The following MEI4 variants were observed in gnomAD, a reference collection of about 807,000 sequenced individuals.
The protein encoded by MEI4 is meiotic double-stranded break formation protein 4.
In MEI4, 27 loss-of-function variants were observed where a neutral mutation model predicts 31.4. That is an observed-to-expected ratio of 0.86 (90% CI 0.63 to 1.19). MEI4 has a LOEUF of 1.19. Ranked by LOEUF, MEI4 falls within the 50% of genes most tolerant of loss-of-function variation. MEI4 has a pLI of 0.00. For synonymous variants in MEI4, 122 were observed against 145.4 expected (o/e 0.84, Z 1.16); for missense variants, 329 against 398.9 (o/e 0.82, Z 1.49).
intron 4 of MEI4, among the ~76,000 whole-genome samples, chr6:77,862,098 T>A (rs1582226201): frequency 6.7e-6 from 1 of 148,984 alleles, no homozygotes. Flanking sequence ...GGAGCCAAGA[T>A]GGCCGAATAG....
chr6:77,872,915 AT>A (rs1160797928), intron 4 of MEI4, among the ~76,000 whole-genome samples: 1 of 151,190 alleles, frequency 6.6e-6, no homozygotes, highest in African/African-American at 2.4e-5. Flanking sequence ...TGAACTCATC[AT>A]TTTTTATGGC....
At position 77,888,994 on chromosome 6, in the gene MEI4, T is replaced by C. The variant is rs560145029; in HGVS notation, c.901-34095T>C. Among the ~76,000 whole-genome samples, 85 of 152,282 alleles carry C rather than the reference T, an allele frequency of 5.6e-4. 2 individuals are homozygous for C. The highest frequency in any genetic ancestry group is 2.0e-3 in the African/African-American group (83 of 41,564). ...ATATGTGCTTCCCCTTCCTCCATGA[T>C]TGTAAGTTTCCTGAGGCCTCCTCAG... On this transcript the variant is annotated intron_variant, in intron 4 of 4. Transcript: ENST00000684080.
At chr6:77,893,206 G>A (rs1476776694) in intron 4 of MEI4, among the ~76,000 whole-genome samples, 1 of 152,158 alleles carries the variant, frequency 6.6e-6, no homozygotes, top group African/African-American at 2.4e-5. Context: ...CTGCTTTGTA[G>A]AGAAGGTGAG....
intron 3 of MEI4, among the ~76,000 whole-genome samples, chr6:77,805,936 AAAAATAG>A (rs1444160021): frequency 1.4e-4 from 22 of 152,132 alleles, no homozygotes; most frequent in Admixed American, 7.2e-4. Flanking sequence ...TGATGTCTCT[AAAAATAG>A]AATCATAGCT....
At chr6:77,752,995 A>T (rs1199568481) in intron 2 of MEI4, among the ~76,000 whole-genome samples, 1 of 152,236 alleles carries the variant, frequency 6.6e-6, no homozygotes, top group Non-Finnish European at 1.5e-5. Context: ...AAAACAAGAA[A>T]TGGGGAAAGG....
chr6:77,879,274 G>A (rs942801793), intron 4 of MEI4, among the ~76,000 whole-genome samples: 36 of 151,706 alleles, frequency 2.4e-4, no homozygotes, highest in Non-Finnish European at 4.3e-4. Flanking sequence ...AGTATTAACC[G>A]CCTGTTTCTT....
intron 4 of MEI4, among the ~76,000 whole-genome samples, chr6:77,864,221 C>A (rs1290958001): frequency 6.6e-6 from 1 of 152,142 alleles, no homozygotes; most frequent in Non-Finnish European, 1.5e-5. Context: ...ATCAAATTCA[C>A]ATATAAAAAC....
intron 2 of MEI4, among the ~76,000 whole-genome samples, chr6:77,714,236 TTAAA>T (rs752724361): frequency 1.6e-5 from 1 of 61,362 alleles, no homozygotes; most frequent in Non-Finnish European, 4.9e-5. Context: ...ACTTAAAAAT[TTAAA>T]AAAAAAACAA....
intron 3 of MEI4, among the ~76,000 whole-genome samples, chr6:77,779,689 C>G (rs1768544274): frequency 6.6e-6 from 1 of 151,996 alleles, no homozygotes; most frequent in Non-Finnish European, 1.5e-5. Context: ...TGCCCCTTTC[C>G]CTGGTTTTCA....
chr6:77,701,066 A>G (rs906057048), intron 2 of MEI4, among the ~76,000 whole-genome samples: 16 of 152,210 alleles, frequency 1.1e-4, no homozygotes, highest in African/African-American at 3.9e-4. Context: ...TTCCTGATCT[A>G]TGGAAGAGAA....
chr6:77,695,990 A>G (rs1766025838), intron 2 of MEI4, among the ~76,000 whole-genome samples: 1 of 152,022 alleles, frequency 6.6e-6, no homozygotes, highest in Non-Finnish European at 1.5e-5. Context: ...ATCCCTTGTA[A>G]TTTGGATTCC....
intron 4 of MEI4, among the ~76,000 whole-genome samples, chr6:77,911,951 A>G (rs963798747): frequency 1.3e-5 from 2 of 151,816 alleles, no homozygotes; most frequent in Non-Finnish European, 2.9e-5. Flanking sequence ...TAGTTGTTTC[A>G]TAGCTTCATG....
At chr6:77,790,049 T>C (rs1768873004) in intron 3 of MEI4, among the ~76,000 whole-genome samples, 1 of 151,896 alleles carries the variant, frequency 6.6e-6, no homozygotes, top group African/African-American at 2.4e-5. Flanking sequence ...ATGTGGCACA[T>C]ATACACCATG....
At chr6:77,710,381 G>A (rs951596500) in intron 2 of MEI4, among the ~76,000 whole-genome samples, 8 of 151,990 alleles carry the variant, frequency 5.3e-5, no homozygotes, top group African/African-American at 1.7e-4. Context: ...AATTAGCTGG[G>A]TGTGGTGGTG....
rs987755115 is a variant in MEI4 at position 77,687,406 on chromosome 6, G to A, written c.-14-3252G>A. ...AAACAGAGAATATATTTAGGAAGCT[G>A]GGGTGTTTTCCAGTAGCAACAACCA... On this transcript the variant is annotated intron_variant, in intron 1 of 4. Coordinates refer to ENST00000684080, the MANE Select transcript of MEI4 (RefSeq NM_001322247.2). 2.6e-4 allele frequency among the ~76,000 whole-genome samples: 39 copies of A among 152,064 alleles called. 1 individual carries two copies. The highest frequency in any genetic ancestry group is 9.4e-4 in the African/African-American group (39 of 41,416).
intron 4 of MEI4, among the ~76,000 whole-genome samples, chr6:77,916,758 C>T (rs1200790790): frequency 3.5e-5 from 3 of 86,382 alleles, no homozygotes; most frequent in Non-Finnish European, 6.5e-5. Context: ...CAGGCTGCAC[C>T]TCTAATTCTT....
intron 4 of MEI4, among the ~76,000 whole-genome samples, chr6:77,849,788 C>G (rs1282062792): frequency 6.6e-6 from 1 of 152,058 alleles, no homozygotes; most frequent in Non-Finnish European, 1.5e-5. Context: ...TCAAAAACTT[C>G]TTTTATTTAG....
Position 77,712,970 on chromosome 6 carries a change from C to CA in MEI4, c.232+22081dup, listed in dbSNP as rs547600542. On this transcript the variant is annotated intron_variant, in intron 2 of 4. Coordinates refer to ENST00000684080, the MANE Select transcript of MEI4 (RefSeq NM_001322247.2). Reference sequence around the variant, plus strand: ...TGGGCAAAAGAGTGAGACTCCATCTCAAAAAAAAAAAAAAGAAGAAGCATT... The same window carrying CA: ...TGGGCAAAAGAGTGAGACTCCATCTCAAAAAAAAAAAAAAAGAAGAAGCATT... Among the ~76,000 whole-genome samples the CA allele has an allele frequency of 6.0e-3, 603 of 99,950 alleles. 3 individuals carry two copies. The highest frequency in any genetic ancestry group is 0.04 in the South Asian group (125 of 3,164). The allele number at this position is 99,950 out of a possible 152,430, so 65.6% of individuals were successfully genotyped here.
In MEI4 at chr6:77,782,960, A is replaced by G. The variant is rs151016481; in HGVS notation, c.768+21295A>G. 4.5e-3 allele frequency among the ~76,000 whole-genome samples: 687 copies of G among 152,280 alleles called. 18 individuals are homozygous for G. Among genetic ancestry groups the G allele is most frequent in the Admixed American group, 0.042 (646 of 15,270 alleles). ...ATTTCTCCTTAGAGCTTTTGCCTGAAAATATGAAGGGGTTATTATGTTTTT... is the reference window on the plus strand; with the variant it reads ...ATTTCTCCTTAGAGCTTTTGCCTGAGAATATGAAGGGGTTATTATGTTTTT... On this transcript the variant is annotated intron_variant, in intron 3 of 4. Transcript: ENST00000684080.
Sources: allele counts gnomAD v4.1 joint callset (sites outside exome capture counted in the v4.1 genomes callset), GRCh38; gene constraint gnomAD v4.1.1; transcripts MANE v1.5; gene names NCBI Gene and HGNC (gene_info 2026-07-23, HGNC 2026-07-21).